Variants in ASTN1 observed in about 807,000 individuals in gnomAD.
ASTN1 encodes the protein astrotactin 1.
A neutral mutation model predicts 140.7 loss-of-function variants in ASTN1; 41 were observed. The observed-to-expected ratio is 0.29, with a 90% CI of 0.23 to 0.38. ASTN1 has a LOEUF of 0.38. Ranked by LOEUF, ASTN1 falls within the 10% of genes least tolerant of loss-of-function variation. The pLI, the probability that ASTN1 is intolerant of heterozygous loss-of-function variation, is 1.00. For synonymous variants in ASTN1, 640 were observed against 652.2 expected (o/e 0.98, Z 0.29); for missense variants, 1,479 against 1,678.8 (o/e 0.88, Z 2.08).
At chr1:176,938,793 G>T (rs1356476781) in intron 14 of ASTN1, among the ~76,000 whole-genome samples, 1 of 152,140 alleles carries the variant, frequency 6.6e-6, no homozygotes, top group Non-Finnish European at 1.5e-5. Flanking sequence ...CAGGTTGTGA[G>T]AACAAAATAA....
chr1:177,003,183 A>G (rs1674819309), intron 8 of ASTN1, among the ~76,000 whole-genome samples: 5 of 151,948 alleles, frequency 3.3e-5, no homozygotes, highest in Admixed American at 3.3e-4. Flanking sequence ...GGGACATAAC[A>G]CACACACACA....
At chr1:176,997,083 G>C (rs1326039374) in intron 8 of ASTN1, among the ~76,000 whole-genome samples, 1 of 152,112 alleles carries the variant, frequency 6.6e-6, no homozygotes, top group Non-Finnish European at 1.5e-5. Context: ...TCCCTGACAG[G>C]GGTTACAATG....
intron 16 of ASTN1, among the ~76,000 whole-genome samples, chr1:176,919,182 C>T (rs1467161648): frequency 6.6e-6 from 1 of 152,216 alleles, no homozygotes; most frequent in Non-Finnish European, 1.5e-5. Flanking sequence ...TTATGCCTCT[C>T]ATGCGGTGTT....
intron 9 of ASTN1, among the ~76,000 whole-genome samples, chr1:176,959,930 G>A (rs889655472): frequency 8.5e-5 from 13 of 152,226 alleles, no homozygotes; most frequent in Admixed American, 3.9e-4. Flanking sequence ...CTGCACCAGG[G>A]GAGGAAAGCT....
At position 176,931,751 on chromosome 1, in the gene ASTN1, C is replaced by T. The variant is rs116213044; in HGVS notation, c.2671+2401G>A. ...TTTTACACCATTACTACCACCATCA[C>T]CACTGTCCGTGACAACAAAGCAACA... On this transcript the variant is annotated intron_variant, in intron 16 of 22. Coordinates refer to ENST00000361833, the MANE Select transcript of ASTN1 (RefSeq NM_004319.3). 3.6e-3 allele frequency among the ~76,000 whole-genome samples: 544 copies of T among 152,314 alleles called. 1 individual carries two copies. Among genetic ancestry groups the T allele is most frequent in the African/African-American group, 0.012 (517 of 41,568 alleles).
intron 14 of ASTN1, among the ~76,000 whole-genome samples, chr1:176,937,081 G>A (rs141451281): frequency 9.7e-4 from 148 of 152,282 alleles, no homozygotes; most frequent in Non-Finnish European, 1.5e-3. Context: ...TACTCATTCT[G>A]CTATAATATC....
chr1:177,151,176 G>T (rs1010033565), intron 1 of ASTN1, among the ~76,000 whole-genome samples: 1 of 151,966 alleles, frequency 6.6e-6, no homozygotes, highest in Non-Finnish European at 1.5e-5. Context: ...GAAGGAGAGT[G>T]AAATTGTATG....
chr1:176,866,008 G>A (rs1333725254), intron 22 of ASTN1, among the ~76,000 whole-genome samples: 1 of 152,160 alleles, frequency 6.6e-6, no homozygotes, highest in Non-Finnish European at 1.5e-5. Flanking sequence ...CAACACATGA[G>A]AATTCAAGAT....
downstream of ASTN1, among the ~76,000 whole-genome samples, chr1:176,858,304 T>C (rs1667871787): frequency 6.6e-6 from 1 of 152,234 alleles, no homozygotes; most frequent in South Asian, 2.1e-4. Flanking sequence ...TAAAATTTTA[T>C]TATATAATGT....
intron 11 of ASTN1, among the ~76,000 whole-genome samples, chr1:176,952,469 T>C (rs1672233822): frequency 6.6e-6 from 1 of 151,842 alleles, no homozygotes; most frequent in African/African-American, 2.4e-5. Flanking sequence ...CAGTTCAGAG[T>C]AAAACATTTT....
intron 1 of ASTN1, among the ~76,000 whole-genome samples, chr1:177,157,924 T>C (rs1401626740): frequency 6.6e-6 from 1 of 152,210 alleles, no homozygotes; most frequent in Non-Finnish European, 1.5e-5. Context: ...CACATTGATA[T>C]ATGTAGCTAC....
At chr1:176,936,203 C>T (rs917472809) in intron 15 of ASTN1, 63 bp downstream of exon 15, 2 of 1,431,780 alleles carry the variant, frequency 1.4e-6, no homozygotes, top group African/African-American at 1.4e-5. Flanking sequence ...AAAGGCTTCT[C>T]CCCTTGGAAA....
intron 1 of ASTN1, among the ~76,000 whole-genome samples, chr1:177,078,706 T>G (rs560278395): frequency 1.4e-4 from 22 of 152,168 alleles, no homozygotes; most frequent in Non-Finnish European, 2.5e-4. Context: ...ACCAACAACG[T>G]CAAACCACAA....
intron 16 of ASTN1, among the ~76,000 whole-genome samples, chr1:176,912,686 A>G (rs1233578055): frequency 6.6e-6 from 1 of 152,176 alleles, no homozygotes; most frequent in African/African-American, 2.4e-5. Context: ...TTAACCACTA[A>G]GCTATACTAC....
intron 16 of ASTN1, among the ~76,000 whole-genome samples, chr1:176,901,904 T>G (rs1350721875): frequency 6.6e-6 from 1 of 152,222 alleles, no homozygotes; most frequent in Admixed American, 6.5e-5. Flanking sequence ...AAACAAATCT[T>G]TTGTCAGAAT....
chr1:176,930,055 T>G (rs1468058664), intron 16 of ASTN1, among the ~76,000 whole-genome samples: 1 of 151,708 alleles, frequency 6.6e-6, no homozygotes, highest in Non-Finnish European at 1.5e-5. Flanking sequence ...TGGAGTGGAG[T>G]GGCAGGAAAC....
At chr1:177,107,618 G>A (rs533305405) in intron 1 of ASTN1, among the ~76,000 whole-genome samples, 1 of 152,260 alleles carries the variant, frequency 6.6e-6, no homozygotes, top group Admixed American at 6.5e-5. Flanking sequence ...CCTTGAGCTG[G>A]CTGTGTCTCT....
intron 16 of ASTN1, among the ~76,000 whole-genome samples, chr1:176,899,672 A>G (rs1367060077): frequency 6.6e-6 from 1 of 152,158 alleles, no homozygotes; most frequent in East Asian, 1.9e-4. Context: ...CCTGCATTCC[A>G]GGATCTACCC....
Position 176,870,443 on chromosome 1 carries a change from G to A in ASTN1, c.3464-1416C>T, listed in dbSNP as rs557216761. Among the ~76,000 whole-genome samples the A allele has an allele frequency of 5.3e-5, 8 of 152,332 alleles. No individual in the cohort carries two copies. In the South Asian group the frequency reaches 1.7e-3, roughly 32 times the overall value. ...AAAGTTTCTACCTCTATCCTGCCCA[G>A]ACACTGCAATTATTTCTTTACTTTT... is the stretch of plus-strand genomic sequence containing the variant. On this transcript the variant is annotated intron_variant, in intron 21 of 22. Transcript: ENST00000361833.
Sources: allele counts gnomAD v4.1 joint callset (sites outside exome capture counted in the v4.1 genomes callset), GRCh38; gene constraint gnomAD v4.1.1; transcripts MANE v1.5; gene names NCBI Gene and HGNC (gene_info 2026-07-23, HGNC 2026-07-21).